MFSD12: variants seen among roughly 807,000 people sequenced by gnomAD.
The protein encoded by MFSD12 is major facilitator superfamily domain-containing protein 12.
MFSD12 carries 67 observed loss-of-function variants against 51.2 expected under a neutral mutation model. The observed-to-expected ratio is 1.31, with a 90% CI of 1.08 to 1.60. The LOEUF (loss-of-function observed/expected upper bound fraction) is 1.60, where lower values mean the gene tolerates loss of function less well. MFSD12 is among the 40% of genes most tolerant of loss of function. The pLI is 0.00. For synonymous variants in MFSD12, 441 were observed against 316.7 expected, an observed-to-expected ratio of 1.39 and a Z score of -4.17; for missense variants, 921 against 673.0, an observed-to-expected ratio of 1.37 and a Z score of -4.08.
At position 3,557,462 on chromosome 19, in the gene MFSD12, C is replaced by A. The variant is rs2031795735; in HGVS notation, c.-59G>T. 9.1e-7 allele frequency: 1 copy of A among 1,093,936 alleles called. No homozygotes were observed. The highest frequency in any genetic ancestry group is 1.7e-5 in the African/African-American group (1 of 60,126). The allele number at this position is 1,093,936 out of a possible 1,614,324, so 67.8% of individuals were successfully genotyped here. A position where few individuals can be genotyped will look rare whatever the true frequency, so the allele number is the denominator to read the frequency against. On this transcript the variant is annotated 5_prime_UTR_variant, in exon 1 of 10. Coordinates refer to ENST00000355415, the MANE Select transcript of MFSD12 (RefSeq NM_174983.5). ...CTCCGCGGAGGGTACCCTGGCCAGG[C>A]CTTCTTGGGTGCCGTGGGGGCAGGC...
At position 3,544,413 on chromosome 19, in the gene MFSD12, C is replaced by T. The variant is rs1455663777; in HGVS notation, c.*297G>A. On this transcript the variant is annotated 3_prime_UTR_variant, in exon 10 of 10. Coordinates refer to ENST00000355415, the MANE Select transcript of MFSD12 (RefSeq NM_174983.5). Reference sequence around the variant, plus strand: ...AGCTCAGGGTTAGGGTTCCCCCAGACCCTTCTGGGATTCCTACTTCCTGTT... The same window carrying T: ...AGCTCAGGGTTAGGGTTCCCCCAGATCCTTCTGGGATTCCTACTTCCTGTT... The T allele has an allele frequency of 1.7e-5, 22 of 1,324,950 alleles. No homozygotes were observed. Among genetic ancestry groups the T allele is most frequent in the Non-Finnish European group, 2.0e-5 (21 of 1,039,170 alleles). The allele number at this position is 1,324,950 out of a possible 1,614,324, so 82.1% of individuals were successfully genotyped here.
At chr19:3,547,194 G>T in intron 6 of MFSD12, 78 bp downstream of exon 6, 1 of 1,306,206 alleles carries the variant, frequency 7.7e-7, no homozygotes, top group South Asian at 1.2e-5. Flanking sequence ...TCCGAGGATG[G>T]AACCCGGAGC....
Position 3,544,422 on chromosome 19 carries a change from G to C in MFSD12, c.*288C>G. 4 of 1,328,164 alleles carry C rather than the reference G, an allele frequency of 3.0e-6. No individual in the cohort carries two copies. Among genetic ancestry groups the C allele is most frequent in the South Asian group, 4.5e-5 (2 of 44,104 alleles). The allele number at this position is 1,328,164 out of a possible 1,614,324, so 82.3% of individuals were successfully genotyped here. A position where few individuals can be genotyped will look rare whatever the true frequency, so the allele number is the denominator to read the frequency against. ...TTAGGGTTCCCCCAGACCCTTCTGG[G>C]ATTCCTACTTCCTGTTCCCTGCCGA... On this transcript the variant is annotated 3_prime_UTR_variant, in exon 10 of 10. Coordinates refer to ENST00000355415, the MANE Select transcript of MFSD12 (RefSeq NM_174983.5).
chr19:3,553,559 G>C (rs2031582375), intron 1 of MFSD12, among the ~76,000 whole-genome samples: 1 of 151,136 alleles, frequency 6.6e-6, no homozygotes, highest in African/African-American at 2.4e-5. Flanking sequence ...ATGAGGTCAG[G>C]AGATCGAGAC....
Position 3,557,176 on chromosome 19 carries a change from C to A in MFSD12, c.228G>T (p.Val76=). The part of the protein sequence containing the change: ...QVADGLCTPL[V]GYEADRAASC... ...TGGCGGCGCGGTCGGCCTCGTAGCCCACGAGCGGTGTGCACAGCCCGTCGG... is the reference window on the plus strand; with the variant it reads ...TGGCGGCGCGGTCGGCCTCGTAGCCAACGAGCGGTGTGCACAGCCCGTCGG... The change falls in exon 1 of 10, where the codon GTG becomes GTT. Residue 76 remains valine, a synonymous_variant. Transcript: ENST00000355415. 6.5e-7 allele frequency: 1 copy of A among 1,544,078 alleles called. No homozygotes were observed. Among genetic ancestry groups the A allele is most frequent in the Admixed American group, 2.0e-5 (1 of 50,666 alleles).
At chr19:3,542,293 C>G (rs1444116802), downstream of MFSD12, 16 of 985,228 alleles carry the variant, frequency 1.6e-5, no homozygotes, top group Non-Finnish European at 1.9e-5. Context: ...ACCTGGGAGT[C>G]TAGTCAGGAT....
intron 1 of MFSD12, among the ~76,000 whole-genome samples, chr19:3,553,795 G>T (rs2031601690): frequency 7.9e-6 from 1 of 126,928 alleles, no homozygotes; most frequent in Non-Finnish European, 1.7e-5. Context: ...GAAAAGAAAA[G>T]AAGAGGCTGG....
At chr19:3,549,761 C>T (rs1408485309) in intron 2 of MFSD12, among the ~76,000 whole-genome samples, 10 of 148,910 alleles carry the variant, frequency 6.7e-5, no homozygotes, top group East Asian at 3.9e-4. Context: ...CAGTGGCTCA[C>T]GCCTGTAATC....
chr19:3,546,628 C>T (rs568969065), intron 6 of MFSD12, among the ~76,000 whole-genome samples: 4 of 152,378 alleles, frequency 2.6e-5, no homozygotes, highest in African/African-American at 7.2e-5. Flanking sequence ...CACGCCGTAG[C>T]GGCTGGAGAC....
At chr19:3,547,419 C>T (rs200019629) in intron 5 of MFSD12, 36 bp downstream of exon 5, 163 of 1,610,464 alleles carry the variant, frequency 1.0e-4, no homozygotes, top group Admixed American at 1.5e-4. Context: ...AGGCTGGGGC[C>T]GTCCCATCCC....
exon 5 of MFSD12, chr19:3,538,514 T>C (rs1015742901): frequency 5.4e-6 from 2 of 368,128 alleles, no homozygotes; most frequent in African/African-American, 2.1e-5. Flanking sequence ...GTCCTGGACA[T>C]TTCATAGAAG....
chr19:3,552,459 C>T (rs1269374318), intron 1 of MFSD12, among the ~76,000 whole-genome samples: 5 of 134,182 alleles, frequency 3.7e-5, no homozygotes, highest in East Asian at 2.4e-4. Context: ...TGAGCCACCG[C>T]GCCCCGCCTT....
At chr19:3,542,802 C>G (rs557215581), downstream of MFSD12, 64 of 1,371,348 alleles carry the variant, frequency 4.7e-5, 1 homozygote, top group Middle Eastern at 6.3e-4. Flanking sequence ...CCCAGTCTTC[C>G]CTGGGCCATG....
intron 2 of MFSD12, among the ~76,000 whole-genome samples, 173 bp from the exon 3 acceptor site, chr19:3,548,440 C>G (rs1358450532): frequency 2.0e-5 from 3 of 152,180 alleles, no homozygotes; most frequent in African/African-American, 7.2e-5. Flanking sequence ...TTTCCCCAGC[C>G]CGCACATTAC....
chr19:3,546,009 A>G, intron 8 of MFSD12, 65 bp downstream of exon 8: 1 of 1,539,166 alleles, frequency 6.5e-7, no homozygotes, highest in East Asian at 2.3e-5. Context: ...ACTGCTGGAC[A>G]CACAGCAGGC....
downstream of MFSD12, chr19:3,539,298 T>G: frequency 1.5e-6 from 1 of 673,428 alleles, no homozygotes; most frequent in Non-Finnish European, 2.0e-6. Flanking sequence ...TCCCAGCCCC[T>G]CCCTCCCTCC....
Position 3,548,010 on chromosome 19 carries a change from C to T in MFSD12, c.675G>A (p.Val225=). The T allele has an allele frequency of 1.3e-6, 2 of 1,599,266 alleles. No homozygotes were observed. ...GCAGTGAGAACACGGCGCCGACACCCACCACCAGCAGGGACAGGTTCTGGG... is the reference window on the plus strand; with the variant it reads ...GCAGTGAGAACACGGCGCCGACACCTACCACCAGCAGGGACAGGTTCTGGG... ...PVFRNLSLLV[V]GVGAVFSLLF... The change falls in exon 4 of 10, where the codon GTG becomes GTA. Residue 225 remains valine, a synonymous_variant. Transcript: ENST00000355415.
chr19:3,556,087 G>C (rs1293716300), intron 1 of MFSD12, among the ~76,000 whole-genome samples: 1 of 152,170 alleles, frequency 6.6e-6, no homozygotes, highest in Non-Finnish European at 1.5e-5. Flanking sequence ...ACAGGGCAGA[G>C]ACCCCTGACC....
chr19:3,547,803 G>A, intron 4 of MFSD12, 45 bp downstream of exon 4: 1 of 1,459,474 alleles, frequency 6.9e-7, no homozygotes, highest in Non-Finnish European at 9.0e-7. Flanking sequence ...GGCCCTGTGG[G>A]TGGGAGAGAA....
Sources: allele counts gnomAD v4.1 joint callset (sites outside exome capture counted in the v4.1 genomes callset), GRCh38; gene constraint gnomAD v4.1.1; transcripts MANE v1.5; gene names NCBI Gene and HGNC (gene_info 2026-07-23, HGNC 2026-07-21).